Variants in CDK14 observed in about 807,000 individuals in gnomAD.
The protein encoded by CDK14 is cyclin dependent kinase 14, also known as cyclin-dependent kinase 14.
CDK14 carries 34 observed loss-of-function variants against 60.7 expected under a neutral mutation model. The observed-to-expected ratio is 0.56, with a 90% confidence interval of 0.43 to 0.75. CDK14 has a LOEUF of 0.75. CDK14 is among the 30% of genes least tolerant of loss of function. The pLI, the probability that CDK14 is intolerant of heterozygous loss-of-function variation, is 0.00. For synonymous variants in CDK14, 197 were observed against 203.7 expected (o/e 0.97, Z 0.28); for missense variants, 482 against 564.1 (o/e 0.85, Z 1.47).
At chr7:91,143,128 G>A (rs1339095571) in intron 14 of CDK14, among the ~76,000 whole-genome samples, 1 of 152,220 alleles carries the variant, frequency 6.6e-6, no homozygotes, top group African/African-American at 2.4e-5. Context: ...AAAACTTGAA[G>A]ACTAGGTGGG....
chr7:91,000,573 A>G (rs979262929), intron 10 of CDK14, among the ~76,000 whole-genome samples: 6 of 152,240 alleles, frequency 3.9e-5, no homozygotes, highest in Non-Finnish European at 5.9e-5. Flanking sequence ...TGCTACAATG[A>G]CAGAGAGTAC....
chr7:91,198,740 C>T (rs976423757), intron 14 of CDK14, among the ~76,000 whole-genome samples: 4 of 152,150 alleles, frequency 2.6e-5, no homozygotes, highest in Non-Finnish European at 5.9e-5. Context: ...AGATGGTTCA[C>T]AAAACAGGTT....
At chr7:90,732,897 G>A (rs189335749) in intron 3 of CDK14, among the ~76,000 whole-genome samples, 33 of 151,766 alleles carry the variant, frequency 2.2e-4, no homozygotes, top group Admixed American at 9.8e-4. Context: ...GAATGTATTT[G>A]CTCTTCCTTC....
chr7:90,685,138 T>C (rs984316497), intron 2 of CDK14, among the ~76,000 whole-genome samples: 2 of 152,106 alleles, frequency 1.3e-5, no homozygotes, highest in Admixed American at 6.5e-5. Flanking sequence ...CTGAAATTTA[T>C]TTTAGCATAA....
At chr7:91,143,397 G>A (rs1800523514) in intron 14 of CDK14, among the ~76,000 whole-genome samples, 1 of 152,060 alleles carries the variant, frequency 6.6e-6, no homozygotes, top group Non-Finnish European at 1.5e-5. Flanking sequence ...TGGCTGTCAT[G>A]CCATAAAGCA....
chr7:90,760,476 G>A (rs985794601), intron 4 of CDK14, among the ~76,000 whole-genome samples: 3 of 152,172 alleles, frequency 2.0e-5, no homozygotes, highest in African/African-American at 7.2e-5. Flanking sequence ...AGTCCTGAGA[G>A]GTTACCTGCC....
rs1020914777 is a variant in CDK14, at chr7:91,209,180, C to G, written c.*2044C>G. On this transcript the variant is annotated 3_prime_UTR_variant, in exon 15 of 15. Transcript: ENST00000380050. ...TGTTGCTTTTTAATAAGGTTTTTAA[C>G]TTGAAAATTTGAAAATATTTAATGT... The G allele has an allele frequency of 3.9e-5, 6 of 152,192 alleles. No individual in the cohort carries two copies. The highest frequency in any genetic ancestry group is 1.4e-4 in the African/African-American group (6 of 41,426). The allele number at this position is 152,192 out of a possible 1,614,324, so 9.4% of individuals were successfully genotyped here.
At chr7:90,986,176 T>G (rs1562857375) in intron 10 of CDK14, among the ~76,000 whole-genome samples, 1 of 152,102 alleles carries the variant, frequency 6.6e-6, no homozygotes, top group Non-Finnish European at 1.5e-5. Context: ...CTATCATTCT[T>G]AATGACTGGG....
At chr7:91,147,271 C>CT (rs796470730) in intron 14 of CDK14, among the ~76,000 whole-genome samples, 13 of 148,904 alleles carry the variant, frequency 8.7e-5, no homozygotes, top group East Asian at 5.9e-4. Context: ...CAAGATTTGC[C>CT]TTTTTTTTTC....
intron 4 of CDK14, among the ~76,000 whole-genome samples, chr7:90,764,155 T>C (rs1226281976): frequency 6.6e-6 from 1 of 152,168 alleles, no homozygotes; most frequent in African/African-American, 2.4e-5. Flanking sequence ...AATGCAGATT[T>C]GTGAATTGAT....
chr7:91,172,876 A>T (rs945930662), intron 14 of CDK14, among the ~76,000 whole-genome samples: 1 of 152,108 alleles, frequency 6.6e-6, no homozygotes, highest in Non-Finnish European at 1.5e-5. Context: ...TTTATTAATT[A>T]TATGTCTCCC....
At chr7:91,053,278 T>C (rs540636676) in intron 11 of CDK14, among the ~76,000 whole-genome samples, 1 of 152,332 alleles carries the variant, frequency 6.6e-6, no homozygotes, top group East Asian at 1.9e-4. Flanking sequence ...AACTGGGAAA[T>C]TGAGGCTCAG....
intron 6 of CDK14, 115 bp from the exon 7 acceptor site, chr7:90,899,176 A>G (rs1792425847): frequency 1.4e-6 from 1 of 738,380 alleles, no homozygotes; most frequent in Admixed American, 3.7e-5. Context: ...AAATCCACCC[A>G]CTTGTCTTTT....
At chr7:90,768,912 A>G (rs1804674992) in intron 4 of CDK14, among the ~76,000 whole-genome samples, 1 of 152,226 alleles carries the variant, frequency 6.6e-6, no homozygotes, top group Non-Finnish European at 1.5e-5. Context: ...ACAGGACATT[A>G]CTTTTATAGT....
chr7:91,185,871 G>A (rs940139242), intron 14 of CDK14, among the ~76,000 whole-genome samples: 3 of 151,990 alleles, frequency 2.0e-5, no homozygotes, highest in African/African-American at 7.2e-5. Flanking sequence ...AAGAGAAGCT[G>A]CATATCCATT....
intron 3 of CDK14, among the ~76,000 whole-genome samples, chr7:90,729,918 A>C (rs970250347): frequency 6.6e-6 from 1 of 152,068 alleles, no homozygotes; most frequent in Non-Finnish European, 1.5e-5. Flanking sequence ...GTACATGTGC[A>C]GAACATGCAG....
chr7:90,695,226 T>C (rs997415355), intron 2 of CDK14, among the ~76,000 whole-genome samples: 30 of 152,242 alleles, frequency 2.0e-4, no homozygotes, highest in Non-Finnish European at 3.8e-4. Context: ...AAATATGTTG[T>C]AATATTTTCT....
At chr7:91,045,546 C>A (rs1797208348) in intron 10 of CDK14, among the ~76,000 whole-genome samples, 1 of 152,060 alleles carries the variant, frequency 6.6e-6, no homozygotes, top group Admixed American at 6.6e-5. Context: ...GAGTGAAAGA[C>A]AAAAGCTCAT....
At chr7:91,002,043 C>G (rs549676069) in intron 10 of CDK14, among the ~76,000 whole-genome samples, 1 of 152,124 alleles carries the variant, frequency 6.6e-6, no homozygotes, top group Admixed American at 6.6e-5. Flanking sequence ...AACCTGTAGT[C>G]CCGTCTATTT....
Sources: gnomAD v4.1 joint callset for allele counts (sites outside exome capture counted in the v4.1 genomes callset) on GRCh38, gnomAD v4.1.1 for gene constraint, MANE v1.5 for transcripts, NCBI Gene and HGNC (gene_info 2026-07-23, HGNC 2026-07-21) for gene names.